The following SGMS2 variants were observed in gnomAD, a reference collection of about 807,000 sequenced individuals.
The protein encoded by SGMS2 is phosphatidylcholine:ceramide cholinephosphotransferase 2.
SGMS2 carries 21 observed loss-of-function variants against 43.8 expected under a neutral mutation model. The observed-to-expected ratio is 0.48, with a 90% confidence interval of 0.34 to 0.69. SGMS2 has a LOEUF of 0.69. SGMS2 is among the 30% of genes least tolerant of loss of function. The probability of loss-of-function intolerance (pLI) is 0.01; values close to 1 mark genes in which losing one functional copy is unlikely to be tolerated. For synonymous variants in SGMS2, 167 were observed against 160.6 expected (o/e 1.04, Z -0.30); for missense variants, 384 against 443.2 (o/e 0.87, Z 1.20).
chr4:107,828,239 C>T lies in SGMS2; in HGVS notation c.-327+2986C>T, dbSNP rs142113974. On this transcript the variant is annotated intron_variant, in intron 1 of 6. Coordinates refer to ENST00000690982, the MANE Select transcript of SGMS2 (RefSeq NM_001375905.1). ...TGCCCCTATGCACAGATAACACAAA[C>T]AGCTAACGAGTATTGATCTTACTAT... 4.2e-3 allele frequency among the ~76,000 whole-genome samples: 633 copies of T among 152,268 alleles called. 3 individuals are homozygous for T. Among genetic ancestry groups the T allele is most frequent in the African/African-American group, 0.014 (600 of 41,550 alleles).
chr4:107,910,294 T>C (rs1285237127), intron 6 of SGMS2, 56 bp from the exon 7 acceptor site: 5 of 1,411,194 alleles, frequency 3.5e-6, no homozygotes, highest in Non-Finnish European at 5.0e-6. Context: ...AGAAAATAAT[T>C]GGGATGCAAA....
rs1210502189 is a variant in SGMS2 at position 107,912,906 on chromosome 4, T to C, written c.*2353T>C. ...GTCATCGAGTTGAGGAAGTCCATGG[T>C]TTGCAAATAAGGGTGGGGGAATCAA... On this transcript the variant is annotated 3_prime_UTR_variant, in exon 7 of 7. Transcript: ENST00000690982. The C allele has an allele frequency of 3.3e-5, 5 of 151,996 alleles. No homozygotes were observed. The East Asian group carries it at 9.7e-4, about 29-fold the overall frequency. 9.4% of individuals were successfully genotyped at this position (151,996 alleles called of 1,614,324 possible).
In SGMS2 at chr4:107,903,343, T is replaced by C. The variant is rs1282669590; in HGVS notation, c.684T>C (p.Gly228=). ...TATGTGGAGACTTCCTCTTCAGCGG[T>C]CACACGGTTACGCTGACACTGACTT... is the stretch of plus-strand genomic sequence containing the variant. ...HILCGDFLFS[G]HTVTLTLTYL... The change falls in exon 5 of 7, where the codon GGT becomes GGC. Residue 228 remains glycine, a synonymous_variant. Coordinates refer to ENST00000690982, the MANE Select transcript of SGMS2 (RefSeq NM_001375905.1). 6.2e-7 allele frequency: 1 copy of C among 1,613,882 alleles called. No individual in the cohort carries two copies. The highest frequency in any genetic ancestry group is 2.2e-5 in the East Asian group (1 of 44,868).
In SGMS2 at chr4:107,913,749, T is replaced by A. The variant is rs766286411; in HGVS notation, c.*3196T>A. 1 of 152,184 alleles carries A rather than the reference T, an allele frequency of 6.6e-6. No homozygotes were observed. Among genetic ancestry groups the A allele is most frequent in the Non-Finnish European group, 1.5e-5 (1 of 68,018 alleles). 9.4% of individuals were successfully genotyped at this position (152,184 alleles called of 1,614,324 possible). ...TTTTACCTCTCATGATCACAATCAT[T>A]AGTGTCTCCCTTTATAACGACCTAT... is the stretch of plus-strand genomic sequence containing the variant. On this transcript the variant is annotated 3_prime_UTR_variant, in exon 7 of 7. Coordinates refer to ENST00000690982, the MANE Select transcript of SGMS2 (RefSeq NM_001375905.1).
chr4:107,899,692 G>A lies in SGMS2; in HGVS notation c.573G>A (p.Lys191=), dbSNP rs776293237. The A allele has an allele frequency of 6.2e-7, 1 of 1,603,288 alleles. No individual in the cohort carries two copies. The highest frequency in any genetic ancestry group is 8.5e-7 in the Non-Finnish European group (1 of 1,172,822). The change falls in exon 4 of 7, where the codon AAG becomes AAA. Residue 191 remains lysine, a splice_region_variant and synonymous_variant. Coordinates refer to ENST00000690982, the MANE Select transcript of SGMS2 (RefSeq NM_001375905.1). ...GAATGCATTTCCAGTGTGCTCCAAAGGTCAGTACCTCCAAACTGCCACTTA... is the reference window on the plus strand; with the variant it reads ...GAATGCATTTCCAGTGTGCTCCAAAAGTCAGTACCTCCAAACTGCCACTTA... ...VPGMHFQCAP[K]LNGDSQAKVQ... is the part of the protein sequence containing the mutation.
At chr4:107,867,380 G>T (rs1728206156) in intron 2 of SGMS2, 1 of 152,206 alleles carries the variant, frequency 6.6e-6, no homozygotes, top group Admixed American at 6.5e-5. Flanking sequence ...TTTTTCCTGT[G>T]TGTCAAGAGG....
chr4:107,826,114 T>TACTACTTC (rs1725575944), intron 1 of SGMS2, among the ~76,000 whole-genome samples: 1 of 152,214 alleles, frequency 6.6e-6, no homozygotes, highest in Admixed American at 6.5e-5. Flanking sequence ...AATGGGATTA[T>TACTACTTC]AGCTACTTCA....
At chr4:107,843,213 G>A (rs1172541975) in intron 1 of SGMS2, among the ~76,000 whole-genome samples, 1 of 151,304 alleles carries the variant, frequency 6.6e-6, no homozygotes, top group Non-Finnish European at 1.5e-5. Flanking sequence ...TTTTATACAA[G>A]TAATTAGCTA....
chr4:107,826,934 T>TGAGATCATGGACATGGGA (rs1725627267), intron 1 of SGMS2, among the ~76,000 whole-genome samples: 1 of 152,110 alleles, frequency 6.6e-6, no homozygotes, highest in African/African-American at 2.4e-5. Context: ...TACCGTGTAG[T>TGAGATCATGGACATGGGA]GAGATCATGG....
chr4:107,906,775 G>A (rs914631359), intron 5 of SGMS2, among the ~76,000 whole-genome samples: 11 of 152,168 alleles, frequency 7.2e-5, no homozygotes, highest in Non-Finnish European at 1.2e-4. Flanking sequence ...TTGCAATTCC[G>A]TGAGTAGTAA....
At chr4:107,868,183 A>C (rs1348682730) in intron 2 of SGMS2, among the ~76,000 whole-genome samples, 1 of 152,222 alleles carries the variant, frequency 6.6e-6, no homozygotes, top group African/African-American at 2.4e-5. Flanking sequence ...AATATAAATT[A>C]GATTGTTAAA....
chr4:107,889,757 A>G (rs1004612295), intron 2 of SGMS2, among the ~76,000 whole-genome samples: 8 of 152,210 alleles, frequency 5.3e-5, no homozygotes, highest in Admixed American at 5.2e-4. Flanking sequence ...ATATTAAAGG[A>G]AACAACTCAG....
intron 6 of SGMS2, among the ~76,000 whole-genome samples, chr4:107,909,979 T>G (rs886217981): frequency 2.0e-5 from 3 of 152,184 alleles, no homozygotes; most frequent in Non-Finnish European, 4.4e-5. Flanking sequence ...ATTTTCATCT[T>G]TCCTCTTAAA....
chr4:107,883,587 A>G (rs1462682139), intron 2 of SGMS2, among the ~76,000 whole-genome samples: 1 of 152,178 alleles, frequency 6.6e-6, no homozygotes, highest in Non-Finnish European at 1.5e-5. Flanking sequence ...TTCTTCTTAT[A>G]TGGTATTTAT....
intron 1 of SGMS2, among the ~76,000 whole-genome samples, chr4:107,853,707 C>T (rs939543778): frequency 6.6e-6 from 1 of 152,200 alleles, no homozygotes; most frequent in African/African-American, 2.4e-5. Context: ...GCCAGAAAGA[C>T]AGCAGAGAAT....
chr4:107,843,530 G>C (rs1726639006), intron 1 of SGMS2, among the ~76,000 whole-genome samples: 1 of 152,202 alleles, frequency 6.6e-6, no homozygotes, highest in Admixed American at 6.5e-5. Flanking sequence ...AATAAGCTGA[G>C]TGTCATGGCA....
rs1040842936 is a variant in SGMS2 at position 107,914,300 on chromosome 4, A to C, written c.*3747A>C. The C allele has an allele frequency of 6.6e-6, 1 of 152,146 alleles. No homozygotes were observed. The highest frequency in any genetic ancestry group is 2.4e-5 in the African/African-American group (1 of 41,452). 9.4% of individuals were successfully genotyped at this position (152,146 alleles called of 1,614,324 possible). ...TACTCATTATGCTGTGTTCTAAATA[A>C]ATCATGAATGAGAAGAGTGCTTTAT... On this transcript the variant is annotated 3_prime_UTR_variant, in exon 7 of 7. Coordinates refer to ENST00000690982, the MANE Select transcript of SGMS2 (RefSeq NM_001375905.1).
chr4:107,832,828 G>A (rs1578496442), intron 1 of SGMS2, among the ~76,000 whole-genome samples: 2 of 152,226 alleles, frequency 1.3e-5, no homozygotes, highest in South Asian at 4.2e-4. Flanking sequence ...AGGAGTTTGA[G>A]ACCAGCCCAG....
intron 2 of SGMS2, among the ~76,000 whole-genome samples, chr4:107,888,531 TTCTC>T (rs1729936334): frequency 1.3e-5 from 2 of 152,254 alleles, no homozygotes; most frequent in East Asian, 3.9e-4. Context: ...TAGGACTAAA[TTCTC>T]TCTCGTATGA....
Sources: gnomAD v4.1 joint callset for allele counts (sites outside exome capture counted in the v4.1 genomes callset) on GRCh38, gnomAD v4.1.1 for gene constraint, MANE v1.5 for transcripts, NCBI Gene and HGNC (gene_info 2026-07-23, HGNC 2026-07-21) for gene names.